LMTK2: variants seen among roughly 807,000 people sequenced by gnomAD.
LMTK2 encodes serine/threonine-protein kinase LMTK2.
Under a neutral mutation model 127.5 loss-of-function variants are expected in LMTK2, and 37 were observed. That is an observed-to-expected ratio of 0.29 (90% CI 0.22 to 0.38). The LOEUF (loss-of-function observed/expected upper bound fraction) is 0.38. Ranked by LOEUF, LMTK2 falls within the 10% of genes least tolerant of loss-of-function variation. LMTK2 has a pLI of 1.00. For synonymous variants in LMTK2, 819 were observed against 810.1 expected, an observed-to-expected ratio of 1.01 and a Z score of -0.19; for missense variants, 1,694 against 1,920.3, an observed-to-expected ratio of 0.88 and a Z score of 2.20.
intron 7 of LMTK2, among the ~76,000 whole-genome samples, chr7:98,180,400 G>A (rs1242184630): frequency 6.6e-6 from 1 of 152,096 alleles, no homozygotes; most frequent in African/African-American, 2.4e-5. Flanking sequence ...TAATTTAATG[G>A]CTTTTTTATT....
Position 98,171,747 on chromosome 7 carries a change from T to C in LMTK2, c.791+73T>C. The C allele has an allele frequency of 6.8e-7, 1 of 1,460,246 alleles. No homozygotes were observed. The highest frequency in any genetic ancestry group is 9.0e-7 in the Non-Finnish European group (1 of 1,109,172). 90.5% of individuals were successfully genotyped at this position (1,460,246 alleles called of 1,614,324 possible). A position where few individuals can be genotyped will look rare whatever the true frequency, so the allele number is the denominator to read the frequency against. The stretch of plus-strand genomic sequence containing the variant: ...CAGTCCAGAGAGGCTGCCGAGTTTG[T>C]GAAACTTAAGGAGGACAGGAGGTGG... On this transcript the variant is annotated intron_variant, in intron 7 of 13. Transcript: ENST00000297293. This position sits in a 1 kb window ranked among gnomAD's most constrained non-coding sequence, Gnocchi z 5.1.
chr7:98,187,123 G>C (rs1414728992), intron 9 of LMTK2, 125 bp downstream of exon 9: 1 of 868,872 alleles, frequency 1.2e-6, no homozygotes, highest in African/African-American at 1.7e-5. Context: ...ATCTGATGGT[G>C]TGAAAAAGAC....
At chr7:98,204,566 A>G (rs1439896804) in intron 13 of LMTK2, among the ~76,000 whole-genome samples, 2 of 152,240 alleles carry the variant, frequency 1.3e-5, no homozygotes, top group East Asian at 1.9e-4. Context: ...GTTCAAGGCT[A>G]CAGTGACCTA....
chr7:98,201,660 A>T (rs544405564), intron 11 of LMTK2, among the ~76,000 whole-genome samples: 3 of 152,164 alleles, frequency 2.0e-5, no homozygotes, highest in African/African-American at 7.2e-5. Flanking sequence ...CACTAGCTGG[A>T]GTACAGTGGC....
Position 98,194,840 on chromosome 7 carries a change from C to T in LMTK2, c.4107+268C>T, listed in dbSNP as rs116157202. 1.6e-3 allele frequency among the ~76,000 whole-genome samples: 239 copies of T among 152,280 alleles called. No homozygotes were observed. Among genetic ancestry groups the T allele is most frequent in the African/African-American group, 5.5e-3 (227 of 41,564 alleles). ...GTCTTCCTGAATTAGTCACCCTTTA[C>T]ACACCAAATTTTTACTGTTTTACTT... On this transcript the variant is annotated intron_variant, in intron 11 of 13. Coordinates refer to ENST00000297293, the MANE Select transcript of LMTK2 (RefSeq NM_014916.4). The surrounding 1 kb of genome is among the most constrained non-coding windows in gnomAD (Gnocchi z 5.4).
intron 1 of LMTK2, among the ~76,000 whole-genome samples, chr7:98,123,864 A>C (rs1006958623): frequency 1.3e-5 from 2 of 151,698 alleles, no homozygotes; most frequent in African/African-American, 4.8e-5. Context: ...ACTTCTGTTG[A>C]TCTTTTTGTC....
chr7:98,155,578 A>C (rs1238800085), intron 5 of LMTK2, among the ~76,000 whole-genome samples: 1 of 151,262 alleles, frequency 6.6e-6, no homozygotes. Flanking sequence ...AGCGGGAAGC[A>C]ATGTGGAGGA....
rs1797555640 is a variant in LMTK2, at chr7:98,192,941, C to A, written c.2476C>A (p.Pro826Thr). The A allele has an allele frequency of 1.2e-6, 2 of 1,613,994 alleles. No individual in the cohort carries two copies. Among genetic ancestry groups the A allele is most frequent in the African/African-American group, 1.3e-5 (1 of 74,922 alleles). The stretch of plus-strand genomic sequence containing the variant: ...TACCTCCTTCGAAACAGAAGAAACG[C>A]CCCGTCGGGTACCCCCAGACTCACT... Reference protein sequence around the residue: ...PPTSFETEETPRRVPPDSLPT... With the variant: ...PPTSFETEETTRRVPPDSLPT... Residue 826 changes from proline (P) to threonine (T), a missense_variant, in exon 11 of 14, where the codon CCC (proline) becomes ACC (threonine). Transcript: ENST00000297293.
At chr7:98,201,132 A>T (rs1208053799) in intron 11 of LMTK2, among the ~76,000 whole-genome samples, 2 of 151,882 alleles carry the variant, frequency 1.3e-5, no homozygotes, top group African/African-American at 4.8e-5. Flanking sequence ...TCATTCCTGA[A>T]GCCTGTTTTC....
At chr7:98,146,967 T>C (rs117880224) in intron 3 of LMTK2, among the ~76,000 whole-genome samples, 1,854 of 152,350 alleles carry the variant, frequency 0.012, 17 homozygotes, top group Admixed American at 0.02. Flanking sequence ...CATTTGTTTA[T>C]CTCAGAATGT....
chr7:98,202,142 G>C (rs1158805334), intron 11 of LMTK2, among the ~76,000 whole-genome samples: 1 of 151,628 alleles, frequency 6.6e-6, no homozygotes, highest in Non-Finnish European at 1.5e-5. Context: ...GCTCTTGTTT[G>C]GATTGGGTGA....
chr7:98,188,014 C>T (rs1225058360), intron 9 of LMTK2, among the ~76,000 whole-genome samples: 1 of 152,186 alleles, frequency 6.6e-6, no homozygotes, highest in Non-Finnish European at 1.5e-5. Context: ...CATTCAAAAG[C>T]CGCTCTTAGA....
chr7:98,202,894 A>T (rs1797723246), intron 11 of LMTK2, among the ~76,000 whole-genome samples: 2 of 152,110 alleles, frequency 1.3e-5, no homozygotes, highest in Admixed American at 1.3e-4. Flanking sequence ...TAGAAAGTTG[A>T]GGCTTTAGTT....
chr7:98,124,825 A>G (rs527356946), intron 1 of LMTK2, among the ~76,000 whole-genome samples: 2 of 152,274 alleles, frequency 1.3e-5, no homozygotes, highest in East Asian at 3.9e-4. Context: ...GGCTAATGAT[A>G]CTACCTACCT....
At chr7:98,163,941 G>A (rs567446574) in intron 6 of LMTK2, among the ~76,000 whole-genome samples, 7 of 152,336 alleles carry the variant, frequency 4.6e-5, no homozygotes, top group African/African-American at 1.2e-4. Context: ...GGTCAAGAGC[G>A]ATTGAATGAA....
intron 1 of LMTK2, among the ~76,000 whole-genome samples, chr7:98,134,769 C>T (rs1796575967): frequency 6.6e-6 from 1 of 152,200 alleles, no homozygotes; most frequent in Non-Finnish European, 1.5e-5. Context: ...TCTTGGTCTT[C>T]ATAAGAATTG....
At chr7:98,149,934 T>G (rs1796827500) in intron 3 of LMTK2, among the ~76,000 whole-genome samples, 1 of 46,108 alleles carries the variant, frequency 2.2e-5, no homozygotes, top group South Asian at 1.1e-3. Context: ...CAAAACTCAA[T>G]AATAAGAAAC....
chr7:98,158,459 C>T (rs1422528716), intron 5 of LMTK2, among the ~76,000 whole-genome samples: 1 of 152,138 alleles, frequency 6.6e-6, no homozygotes, highest in African/African-American at 2.4e-5. Context: ...GTCTTTTGTA[C>T]AGATCTGGTC....
chr7:98,204,196 G>T lies in LMTK2; in HGVS notation c.4483+10G>T. 1.9e-6 allele frequency: 3 copies of T among 1,601,758 alleles called. No homozygotes were observed. Among genetic ancestry groups the T allele is most frequent in the African/African-American group, 2.7e-5 (2 of 74,974 alleles). On this transcript the variant is annotated intron_variant, in intron 13 of 13. Transcript: ENST00000297293. ...GACATCGAGCAGGGCGGTGAGAGGC[G>T]CTGCGTGCTGGGGATTGGGAGTGCA...
Sources: allele counts gnomAD v4.1 joint callset (sites outside exome capture counted in the v4.1 genomes callset), GRCh38; gene constraint gnomAD v4.1.1; non-coding constraint Gnocchi (gnomAD v3.1); transcripts MANE v1.5; gene names NCBI Gene and HGNC (gene_info 2026-07-23, HGNC 2026-07-21).